ARID1B: variants seen among roughly 807,000 people sequenced by gnomAD.
The protein encoded by ARID1B is AT-rich interactive domain-containing protein 1B.
A neutral mutation model predicts 212.3 loss-of-function variants in ARID1B; 30 were observed. The observed-to-expected ratio is 0.14, with a 90% CI of 0.11 to 0.19. The LOEUF is 0.19. Ranked by LOEUF, ARID1B falls within the 10% of genes least tolerant of loss-of-function variation. ARID1B has a pLI of 1.00. For synonymous variants in ARID1B, 1,402 were observed against 1,301.7 expected, an observed-to-expected ratio of 1.08 and a Z score of -1.66; for missense variants, 2,891 against 3,204.0, an observed-to-expected ratio of 0.90 and a Z score of 2.36.
At chr6:156,994,768 C>G (rs1280243686) in intron 4 of ARID1B, among the ~76,000 whole-genome samples, 2 of 152,066 alleles carry the variant, frequency 1.3e-5, no homozygotes, top group Non-Finnish European at 2.9e-5. Flanking sequence ...CCAGGGCTGC[C>G]TAGGATTGTC....
intron 6 of ARID1B, among the ~76,000 whole-genome samples, chr6:157,125,577 C>T (rs1338579084): frequency 1.3e-5 from 2 of 152,180 alleles, no homozygotes; most frequent in Admixed American, 6.5e-5. Flanking sequence ...CTTTCCTACA[C>T]GTTGTTTAGG....
intron 8 of ARID1B, among the ~76,000 whole-genome samples, chr6:157,162,044 G>T (rs551747570): frequency 1.2e-3 from 183 of 152,240 alleles, no homozygotes; most frequent in Middle Eastern, 3.4e-3. Flanking sequence ...CACTCACAGG[G>T]TCTCCATTTC....
At chr6:156,860,050 CTCAG>C (rs1044042019) in intron 2 of ARID1B, among the ~76,000 whole-genome samples, 7 of 152,176 alleles carry the variant, frequency 4.6e-5, no homozygotes, top group Non-Finnish European at 1.0e-4. Context: ...AATCTTCCTG[CTCAG>C]TCAGTTTGTT....
intron 3 of ARID1B, among the ~76,000 whole-genome samples, chr6:156,921,855 C>G (rs2128241140): frequency 6.6e-6 from 1 of 151,542 alleles, no homozygotes; most frequent in East Asian, 1.9e-4. Context: ...GTTTCTCTAG[C>G]TTTTTTTTTC....
chr6:156,865,367 C>G (rs1187137448), intron 2 of ARID1B, among the ~76,000 whole-genome samples: 1 of 152,206 alleles, frequency 6.6e-6, no homozygotes, highest in Non-Finnish European at 1.5e-5. Context: ...TTCTGGAAAT[C>G]ACTTTCCTTC....
In ARID1B at chr6:156,854,211, G is replaced by T. The variant is rs558699598; in HGVS notation, c.1986+24790G>T. On this transcript the variant is annotated intron_variant, in intron 2 of 19. Coordinates refer to ENST00000636930, the MANE Select transcript of ARID1B (RefSeq NM_001374828.1). The stretch of plus-strand genomic sequence containing the variant: ...AATTTCCTTTTATCAACCAAAGCTA[G>T]CTACTAGTACCTGTTCCTACCCCCT... 4.7e-3 allele frequency among the ~76,000 whole-genome samples: 718 copies of T among 152,232 alleles called. 1 individual carries two copies. Among genetic ancestry groups the T allele is most frequent in the Non-Finnish European group, 7.7e-3 (523 of 68,018 alleles).
intron 4 of ARID1B, among the ~76,000 whole-genome samples, chr6:157,021,838 G>C (rs1269182267): frequency 1.3e-5 from 2 of 152,038 alleles, no homozygotes; most frequent in African/African-American, 4.8e-5. Context: ...GGCGCGGCCA[G>C]ACTCACGCAG....
intron 7 of ARID1B, among the ~76,000 whole-genome samples, chr6:157,135,362 A>G (rs1390590386): frequency 1.3e-5 from 2 of 152,138 alleles, no homozygotes; most frequent in African/African-American, 2.4e-5. Flanking sequence ...TTCCTGCATC[A>G]CAGTTCAGCT....
At position 156,834,097 on chromosome 6, in the gene ARID1B, G is replaced by A. The variant is rs80206614; in HGVS notation, c.1986+4676G>A. On this transcript the variant is annotated intron_variant, in intron 2 of 19. Transcript: ENST00000636930. ...TTCTTTTAAATGTAATTAAAGCCACGTTTTGATATAGTTTGCATGAGAGCT... is the reference window on the plus strand; with the variant it reads ...TTCTTTTAAATGTAATTAAAGCCACATTTTGATATAGTTTGCATGAGAGCT... Among the ~76,000 whole-genome samples the A allele has an allele frequency of 2.5e-3, 387 of 152,298 alleles. 1 individual carries two copies. In the Middle Eastern group the frequency reaches 0.031, roughly 12 times the overall value.
chr6:156,778,405 A>C lies in ARID1B; in HGVS notation c.725A>C (p.His242Pro), dbSNP rs1410863573. Reference sequence around the variant, plus strand: ...GGCCCCGACATGGAGCAGCCGCAACATGGAGGCGCCAAGGACAGTGCTGCG... The same window carrying C: ...GGCCCCGACATGGAGCAGCCGCAACCTGGAGGCGCCAAGGACAGTGCTGCG... ...QPGPDMEQPQ[H>P]GGAKDSAAGG... The change falls in exon 1 of 20, where the codon CAT becomes CCT. Residue 242 changes from histidine to proline, a missense_variant. Coordinates refer to ENST00000636930, the MANE Select transcript of ARID1B (RefSeq NM_001374828.1). The C allele has an allele frequency of 3.3e-6, 5 of 1,531,648 alleles. No homozygotes were observed. Among genetic ancestry groups the C allele is most frequent in the Non-Finnish European group, 3.5e-6 (4 of 1,144,304 alleles). The allele number at this position is 1,531,648 out of a possible 1,614,324, so 94.9% of individuals were successfully genotyped here.
At chr6:156,796,356 C>T (rs1268130386) in intron 1 of ARID1B, among the ~76,000 whole-genome samples, 1 of 151,508 alleles carries the variant, frequency 6.6e-6, no homozygotes, top group Non-Finnish European at 1.5e-5. Flanking sequence ...AATCTGTAAC[C>T]TGCTTTTTAG....
At chr6:156,911,764 G>C (rs1582931475) in intron 3 of ARID1B, among the ~76,000 whole-genome samples, 1 of 152,288 alleles carries the variant, frequency 6.6e-6, no homozygotes, top group East Asian at 1.9e-4. Context: ...TTGTGCCTGG[G>C]TCTGTGGGAG....
intron 6 of ARID1B, among the ~76,000 whole-genome samples, chr6:157,130,302 A>T (rs1433749025): frequency 6.6e-6 from 1 of 152,234 alleles, no homozygotes; most frequent in Non-Finnish European, 1.5e-5. Flanking sequence ...AGAAAAAGCA[A>T]TCGTTCTTTT....
In ARID1B at chr6:156,825,478, A is replaced by C. The variant is rs73572284; in HGVS notation, c.1792-3749A>C. Among the ~76,000 whole-genome samples the C allele has an allele frequency of 3.3e-3, 501 of 152,326 alleles. 2 individuals are homozygous for C. The highest frequency in any genetic ancestry group is 0.012 in the African/African-American group (486 of 41,540). On this transcript the variant is annotated intron_variant, in intron 1 of 19. Transcript: ENST00000636930. ...TTTTTGACATGGTGCAAATTAACTG[A>C]ATTTTAAGTAGGACTGTGAGAGTTG... is the stretch of plus-strand genomic sequence containing the variant.
chr6:156,782,382 A>G (rs1779342982), intron 1 of ARID1B, among the ~76,000 whole-genome samples: 2 of 152,074 alleles, frequency 1.3e-5, no homozygotes, highest in Admixed American at 1.3e-4. Context: ...AAAAAGTGAA[A>G]TAAGCCATTT....
At chr6:157,136,271 G>A (rs368624899) in intron 7 of ARID1B, among the ~76,000 whole-genome samples, 11 of 152,126 alleles carry the variant, frequency 7.2e-5, no homozygotes, top group Admixed American at 2.6e-4. Flanking sequence ...CTTAATTAAC[G>A]GGAAGCCCTC....
At chr6:156,904,987 A>G (rs287939) in intron 3 of ARID1B, among the ~76,000 whole-genome samples, 28,394 of 152,132 alleles carry the variant, frequency 0.19, 2,944 homozygotes, top group African/African-American at 0.25. Flanking sequence ...ATATAGTTTT[A>G]GTTTACATTT....
At chr6:156,993,328 C>T (rs1055841092) in intron 4 of ARID1B, among the ~76,000 whole-genome samples, 5 of 152,124 alleles carry the variant, frequency 3.3e-5, no homozygotes, top group East Asian at 1.9e-4. Flanking sequence ...TGAGCCACTG[C>T]GCCTGGCACA....
At chr6:156,826,262 G>C (rs753281506) in intron 1 of ARID1B, among the ~76,000 whole-genome samples, 1 of 152,236 alleles carries the variant, frequency 6.6e-6, no homozygotes, top group Non-Finnish European at 1.5e-5. Flanking sequence ...GCACAGTCCT[G>C]TGGATCCCTT....
Sources: allele counts gnomAD v4.1 joint callset (sites outside exome capture counted in the v4.1 genomes callset), GRCh38; gene constraint gnomAD v4.1.1; transcripts MANE v1.5; gene names NCBI Gene and HGNC (gene_info 2026-07-23, HGNC 2026-07-21).